The following ZFPL1 variants were observed in gnomAD, a reference collection of about 807,000 sequenced individuals.
The protein encoded by ZFPL1 is zinc finger protein-like 1.
A neutral mutation model predicts 32.0 loss-of-function variants in ZFPL1; 28 were observed. The ratio of observed to expected loss-of-function variants is 0.87; its 90% CI spans 0.65 to 1.20. The LOEUF is 1.20. ZFPL1 is among the 50% of genes most tolerant of loss of function. The probability of loss-of-function intolerance (pLI) is 0.00; values close to 1 mark genes in which losing one functional copy is unlikely to be tolerated. For missense variants in ZFPL1, 386 were observed against 424.8 expected, an observed-to-expected ratio of 0.91 and a Z score of 0.80; for synonymous variants, 165 against 177.0, an observed-to-expected ratio of 0.93 and a Z score of 0.54.
At chr11:65,085,433 A>T (rs2137163836) in intron 3 of ZFPL1, 1 of 592,480 alleles carries the variant, frequency 1.7e-6, no homozygotes, top group Middle Eastern at 3.1e-4. Context: ...TAAAAATTAA[A>T]GCTCCTAGTT....
rs150789746 is a variant in ZFPL1, at chr11:65,087,625, C to G, written c.746+192C>G. 621 of 630,892 alleles carry G rather than the reference C, an allele frequency of 9.8e-4. 2 individuals carry two copies. In the African/African-American group the frequency reaches 0.01, roughly 11 times the overall value. 39.1% of individuals were successfully genotyped at this position (630,892 alleles called of 1,614,324 possible). On this transcript the variant is annotated intron_variant, in intron 7 of 7. Coordinates refer to ENST00000294258, the MANE Select transcript of ZFPL1 (RefSeq NM_006782.4). ...GTTTTGCTTCTCTCTGGGACTGTCT[C>G]TATGCCTCCTACACAGGAGGTTTGA... is the stretch of plus-strand genomic sequence containing the variant.
Position 65,088,367 on chromosome 11 carries a change from G to T in ZFPL1, c.*253G>T. 1 of 1,359,974 alleles carries T rather than the reference G, an allele frequency of 7.4e-7. No homozygotes were observed. Among genetic ancestry groups the T allele is most frequent in the Non-Finnish European group, 1.0e-6 (1 of 986,356 alleles). 84.2% of individuals were successfully genotyped at this position (1,359,974 alleles called of 1,614,324 possible). On this transcript the variant is annotated 3_prime_UTR_variant, in exon 8 of 8. Transcript: ENST00000294258. ...GACCCCTCGCCCCATGAAGGAGCTG[G>T]CAGGTGGAAATAAACAACAACTTTA...
chr11:65,087,319 C>G lies in ZFPL1; in HGVS notation c.632C>G (p.Pro211Arg). ...TGCTAGTGGCTCCACCCTGTAGCCC[C>G]TAGGAAGGTGTATGATACGCGGGAT... ...MGNPEPLTHA[P>R]RKVYDTRDDD... Residue 211 changes from proline to arginine, a missense_variant, in exon 7 of 8, where the codon CCT (proline) becomes CGT (arginine). Transcript: ENST00000294258. The G allele has an allele frequency of 6.2e-7, 1 of 1,614,046 alleles. No individual in the cohort carries two copies. Among genetic ancestry groups the G allele is most frequent in the Non-Finnish European group, 8.5e-7 (1 of 1,179,956 alleles).
intron 3 of ZFPL1, chr11:65,085,973 A>C: frequency 4.1e-6 from 1 of 246,428 alleles, no homozygotes. Context: ...CCCATAGTGT[A>C]GATATAGGGA....
At chr11:65,084,543 C>A in intron 1 of ZFPL1, 148 bp from the exon 2 acceptor site, 1 of 673,268 alleles carries the variant, frequency 1.5e-6, no homozygotes, top group South Asian at 1.9e-5. Flanking sequence ...GGGTGTTTCT[C>A]CGCATAAGGA....
In ZFPL1 at chr11:65,086,597, G is replaced by C. The variant is rs761075208; in HGVS notation, c.397G>C (p.Gly133Arg). 1.2e-6 allele frequency: 2 copies of C among 1,613,838 alleles called. No individual in the cohort carries two copies. The highest frequency in any genetic ancestry group is 1.7e-6 in the Non-Finnish European group (2 of 1,179,900). Residue 133 changes from glycine to arginine, a missense_variant, in exon 4 of 8, where the codon GGC becomes CGC. Coordinates refer to ENST00000294258, the MANE Select transcript of ZFPL1 (RefSeq NM_006782.4). Reference protein sequence around the residue: ...ATVNWARAGLGLPLIDEVVSP... With the variant: ...ATVNWARAGLRLPLIDEVVSP... ...AGTCAACTGGGCCCGGGCAGGACTG[G>C]GCCTCCCTCTGGTGAGAGTCCCTCG...
chr11:65,085,197 G>C lies in ZFPL1; in HGVS notation c.185G>C (p.Ser62Thr). The change falls in exon 3 of 8, where the codon AGC becomes ACC. Residue 62 changes from serine to threonine, a missense_variant. Coordinates refer to ENST00000294258, the MANE Select transcript of ZFPL1 (RefSeq NM_006782.4). ...CGCCTGTGCAACATACCCCTGGCCAGCCGAGAGACGACCCGCCTTGTCTGC... is the reference window on the plus strand; with the variant it reads ...CGCCTGTGCAACATACCCCTGGCCACCCGAGAGACGACCCGCCTTGTCTGC... ...NCRLCNIPLASRETTRLVCYD... is the reference protein window; with the variant it reads ...NCRLCNIPLATRETTRLVCYD... The C allele has an allele frequency of 2.5e-6, 4 of 1,614,104 alleles. No homozygotes were observed. Among genetic ancestry groups the C allele is most frequent in the Non-Finnish European group, 2.5e-6 (3 of 1,180,036 alleles).
At chr11:65,086,635 T>C (rs1224509756) in intron 4 of ZFPL1, 27 bp downstream of exon 4, 1 of 1,613,516 alleles carries the variant, frequency 6.2e-7, no homozygotes, top group Non-Finnish European at 8.5e-7. Flanking sequence ...TGTCTGACCA[T>C]CTATCTGCCC....
chr11:65,086,144 A>G, intron 3 of ZFPL1: 1 of 556,170 alleles, frequency 1.8e-6, no homozygotes, highest in Non-Finnish European at 3.2e-6. Context: ...AGGCCCAGAG[A>G]GGACTCATTG....
chr11:65,085,985 T>TGGTC, intron 3 of ZFPL1: 11 of 231,586 alleles, frequency 4.7e-5, no homozygotes, highest in South Asian at 2.6e-4. Context: ...ATATAGGGAA[T>TGGTC]GCCACTTGTG....
At chr11:65,086,021 G>T in intron 3 of ZFPL1, 1 of 280,388 alleles carries the variant, frequency 3.6e-6, no homozygotes, top group Non-Finnish European at 6.9e-6. Context: ...ATAAGGACAT[G>T]TACATTTGTG....
At chr11:65,086,112 G>T in intron 3 of ZFPL1, 1 of 469,356 alleles carries the variant, frequency 2.1e-6, no homozygotes, top group South Asian at 2.4e-5. Flanking sequence ...TTAGCCATTA[G>T]CCCAAAGAAT....
rs1947684956 is a variant in ZFPL1, at chr11:65,086,876, A to T, written c.482-52A>T. 9 of 1,612,836 alleles carry T rather than the reference A, an allele frequency of 5.6e-6. 1 individual carries two copies. In the Admixed American group the frequency reaches 1.2e-4, roughly 21 times the overall value. On this transcript the variant is annotated intron_variant, in intron 5 of 7. Transcript: ENST00000294258. ...CCCTTGGTCTGCAGTCACATGCTCT[A>T]CCCCTGAGCTCTATGCACTGCTTCT...
chr11:65,086,209 G>T, intron 3 of ZFPL1: 1 of 701,006 alleles, frequency 1.4e-6, no homozygotes, highest in South Asian at 1.7e-5. Context: ...ACCCCTGTGA[G>T]CTGGACAGCT....
rs1947681388 is a variant in ZFPL1, at chr11:65,086,537, C to G, written c.337C>G (p.Pro113Ala). Residue 113 changes from proline to alanine, a missense_variant, in exon 4 of 8, where the codon CCC becomes GCC. Coordinates refer to ENST00000294258, the MANE Select transcript of ZFPL1 (RefSeq NM_006782.4). ...PIFPPTNLAG[P>A]VASALREKLA... ...CTTCCCCCCAACCAACCTGGCTGGC[C>G]CCGTGGCCTCCGCACTGAGAGAGAA... 1 of 1,614,182 alleles carries G rather than the reference C, an allele frequency of 6.2e-7. No individual in the cohort carries two copies. Among genetic ancestry groups the G allele is most frequent in the Non-Finnish European group, 8.5e-7 (1 of 1,180,052 alleles).
At chr11:65,087,684 C>T in intron 7 of ZFPL1, 1 of 614,044 alleles carries the variant, frequency 1.6e-6, no homozygotes, top group East Asian at 2.8e-5. Context: ...CCCGATCTGA[C>T]ACCCCCTAAT....
chr11:65,087,394 G>T lies in ZFPL1; in HGVS notation c.707G>T (p.Arg236Leu), dbSNP rs765002140. 1 of 1,614,092 alleles carries T rather than the reference G, an allele frequency of 6.2e-7. No individual in the cohort carries two copies. Among genetic ancestry groups the T allele is most frequent in the East Asian group, 2.2e-5 (1 of 44,880 alleles). The change falls in exon 7 of 8, where the codon CGA becomes CTA. Residue 236 changes from arginine to leucine, a missense_variant. Coordinates refer to ENST00000294258, the MANE Select transcript of ZFPL1 (RefSeq NM_006782.4). ...LHGDCDDDKY[R>L]RRPALGWLAR... ...GGAGACTGTGACGATGACAAGTACC[G>T]ACGTCGGCCGGCCTTGGGTTGGCTG...
In ZFPL1 at chr11:65,086,492, C is replaced by T. The variant is rs745739191; in HGVS notation, c.292C>T (p.Pro98Ser). 2 of 1,614,098 alleles carry T rather than the reference C, an allele frequency of 1.2e-6. No individual in the cohort carries two copies. ...RNTAPAGYQC[P>S]SCNGPIFPPT... is the part of the protein sequence containing the mutation. The stretch of plus-strand genomic sequence containing the variant: ...CACGGCACCTGCCGGCTATCAGTGC[C>T]CCAGCTGCAATGGCCCCATCTTCCC... The change falls in exon 4 of 8, where the codon CCC (proline) becomes TCC (serine). Residue 98 changes from proline (P) to serine (S), a missense_variant. Pro to Ser is a moderately conservative substitution (Grantham distance 74). Coordinates refer to ENST00000294258, the MANE Select transcript of ZFPL1 (RefSeq NM_006782.4).
intron 6 of ZFPL1, 103 bp downstream of exon 6, chr11:65,087,177 C>G (rs988693308): frequency 2.6e-6 from 4 of 1,560,742 alleles, no homozygotes; most frequent in Non-Finnish European, 3.5e-6. Flanking sequence ...AGGAACCTTT[C>G]CTTAATCCAG....
Sources: gnomAD v4.1 joint callset for allele counts on GRCh38, gnomAD v4.1.1 for gene constraint, MANE v1.5 for transcripts, NCBI Gene and HGNC (gene_info 2026-07-23, HGNC 2026-07-21) for gene names.